Variants in LARP1B observed in about 807,000 individuals in gnomAD.
LARP1B encodes la-related protein 1B.
In LARP1B, 76 loss-of-function variants were observed where a neutral mutation model predicts 114.2. That is an observed-to-expected ratio of 0.67 (90% CI 0.55 to 0.81). The LOEUF is 0.81. Ranked by LOEUF, LARP1B falls within the 30% of genes least tolerant of loss-of-function variation. LARP1B has a pLI of 0.00. For missense variants in LARP1B, 1,014 were observed against 1,075.8 expected (o/e 0.94, Z 0.80); for synonymous variants, 345 against 348.0 (o/e 0.99, Z 0.10).
rs533465355 is a variant in LARP1B at position 128,081,028 on chromosome 4, T to A, written c.218-1137T>A. ...ATTTTAAATTAAACAGATTTTTTTT[T>A]AAAAAAGCCTAAGAATCAAGTACTA... is the stretch of plus-strand genomic sequence containing the variant. On this transcript the variant is annotated intron_variant, in intron 4 of 19. Coordinates refer to ENST00000326639, the MANE Select transcript of LARP1B (RefSeq NM_018078.4). Among the ~76,000 whole-genome samples, 248 of 151,804 alleles carry A rather than the reference T, an allele frequency of 1.6e-3. 2 individuals carry two copies. Among genetic ancestry groups the A allele is most frequent in the African/African-American group, 5.3e-3 (218 of 41,412 alleles).
At chr4:128,150,257 A>T (rs1215012188) in intron 11 of LARP1B, among the ~76,000 whole-genome samples, 1 of 151,976 alleles carries the variant, frequency 6.6e-6, no homozygotes, top group Non-Finnish European at 1.5e-5. Context: ...CCATAAAGGG[A>T]CACATTCTAT....
chr4:128,149,461 A>T (rs1315141481), intron 11 of LARP1B, among the ~76,000 whole-genome samples: 3 of 152,236 alleles, frequency 2.0e-5, no homozygotes, highest in African/African-American at 7.2e-5. Context: ...GGGTGAAATG[A>T]AGAGCTGAAC....
chr4:128,093,095 C>CT lies in LARP1B; in HGVS notation c.668+1590dup. The CT allele has an allele frequency of 1.4e-5, 13 of 956,018 alleles. 1 individual carries two copies. The highest frequency in any genetic ancestry group is 1.6e-5 in the Non-Finnish European group (13 of 803,138). 59.2% of individuals were successfully genotyped at this position (956,018 alleles called of 1,614,324 possible). A position where few individuals can be genotyped will look rare whatever the true frequency, so the allele number is the denominator to read the frequency against. On this transcript the variant is annotated intron_variant, in intron 7 of 19. Coordinates refer to ENST00000326639, the MANE Select transcript of LARP1B (RefSeq NM_018078.4). ...GTCAGACATGGCATTGGTCATGCCTCTTTTTTTGTTGTTGTTCTAGCAGTA... is the reference window on the plus strand; with the variant it reads ...GTCAGACATGGCATTGGTCATGCCTCTTTTTTTTGTTGTTGTTCTAGCAGTA...
chr4:128,192,137 G>C (rs569849016), intron 15 of LARP1B, among the ~76,000 whole-genome samples: 1 of 152,118 alleles, frequency 6.6e-6, no homozygotes, highest in Non-Finnish European at 1.5e-5. Flanking sequence ...TGACATCATT[G>C]TCTCAATAAA....
rs1758778378 is a variant in LARP1B, at chr4:128,210,444, T to C, written c.*391T>C. The C allele has an allele frequency of 2.0e-6, 2 of 1,018,886 alleles. No individual in the cohort carries two copies. Among genetic ancestry groups the C allele is most frequent in the East Asian group, 8.5e-5 (1 of 11,706 alleles). 63.1% of individuals were successfully genotyped at this position (1,018,886 alleles called of 1,614,324 possible). A position where few individuals can be genotyped will look rare whatever the true frequency, so the allele number is the denominator to read the frequency against. On this transcript the variant is annotated 3_prime_UTR_variant, in exon 20 of 20. Coordinates refer to ENST00000326639, the MANE Select transcript of LARP1B (RefSeq NM_018078.4). ...CAGCTCATACTTCTTAAAGAAGATATAGTATGTTGTATTCTCTTCTTAGAG... is the reference window on the plus strand; with the variant it reads ...CAGCTCATACTTCTTAAAGAAGATACAGTATGTTGTATTCTCTTCTTAGAG...
chr4:128,062,592 CT>C lies in LARP1B; in HGVS notation c.-78+1209del, dbSNP rs10659836. ...CTTCGTATGGGAAAGTTTTGGTAGA[CT>C]TTTTTTTTTTTTTTTTTACATAAAA... On this transcript the variant is annotated intron_variant, in intron 1 of 19. Coordinates refer to ENST00000326639, the MANE Select transcript of LARP1B (RefSeq NM_018078.4). 5.7e-3 allele frequency among the ~76,000 whole-genome samples: 726 copies of C among 128,220 alleles called. 4 individuals carry two copies. Among genetic ancestry groups the C allele is most frequent in the African/African-American group, 0.013 (454 of 34,548 alleles). The allele number at this position is 128,220 out of a possible 152,430, so 84.1% of individuals were successfully genotyped here. A position where few individuals can be genotyped will look rare whatever the true frequency, so the allele number is the denominator to read the frequency against.
chr4:128,116,878 C>CCGA (rs1451694082), intron 10 of LARP1B, among the ~76,000 whole-genome samples: 1 of 150,784 alleles, frequency 6.6e-6, no homozygotes, highest in Non-Finnish European at 1.5e-5. Context: ...GAAAGTCAGT[C>CCGA]CATTCACATT....
At chr4:128,083,648 G>T (rs1244189608) in intron 5 of LARP1B, among the ~76,000 whole-genome samples, 1 of 131,586 alleles carries the variant, frequency 7.6e-6, no homozygotes. Context: ...CCTCCCGGAC[G>T]GGGCGGCTGG....
chr4:128,150,251 A>G lies in LARP1B; in HGVS notation c.1525-11943A>G, dbSNP rs772710757. Among the ~76,000 whole-genome samples the G allele has an allele frequency of 3.3e-5, 5 of 152,176 alleles. No homozygotes were observed. In the South Asian group the frequency reaches 1.0e-3, roughly 32 times the overall value. Reference sequence around the variant, plus strand: ...AATGGTGTCTGAGATTATGACCCATAAAGGGACACATTCTATCTCAACTAT... The same window carrying G: ...AATGGTGTCTGAGATTATGACCCATGAAGGGACACATTCTATCTCAACTAT... On this transcript the variant is annotated intron_variant, in intron 11 of 19. Coordinates refer to ENST00000326639, the MANE Select transcript of LARP1B (RefSeq NM_018078.4).
At chr4:128,206,965 T>TGCAA (rs1052121352) in intron 18 of LARP1B, 4 of 406,498 alleles carry the variant, frequency 9.8e-6, no homozygotes, top group African/African-American at 8.7e-5. Context: ...TGCCTACCCT[T>TGCAA]GCTAGCCTCA....
intron 12 of LARP1B, among the ~76,000 whole-genome samples, chr4:128,168,779 T>TC (rs918021803): frequency 6.6e-6 from 1 of 152,056 alleles, no homozygotes; most frequent in African/African-American, 2.4e-5. Flanking sequence ...TTTTTTTTTT[T>TC]CATTGTCTTG....
intron 11 of LARP1B, among the ~76,000 whole-genome samples, chr4:128,139,873 C>T (rs1382902314): frequency 1.1e-5 from 1 of 93,804 alleles, no homozygotes; most frequent in Non-Finnish European, 2.6e-5. Context: ...GGAGCAAGAA[C>T]CTCAATCTGT....
Position 128,210,793 on chromosome 4 carries a change from G to C in LARP1B, c.*740G>C, listed in dbSNP as rs1021632172. ...TTGGCTATAAGCTGATTACATATTA[G>C]AGGTTTATTTTTATGATTCTATATA... On this transcript the variant is annotated 3_prime_UTR_variant, in exon 20 of 20. Transcript: ENST00000326639. 3.4e-5 allele frequency: 33 copies of C among 983,116 alleles called. No homozygotes were observed. Among genetic ancestry groups the C allele is most frequent in the Non-Finnish European group, 4.0e-5 (33 of 827,870 alleles). 60.9% of individuals were successfully genotyped at this position (983,116 alleles called of 1,614,324 possible).
intron 7 of LARP1B, among the ~76,000 whole-genome samples, chr4:128,092,023 G>A (rs1776098966): frequency 6.6e-6 from 1 of 152,092 alleles, no homozygotes; most frequent in East Asian, 1.9e-4. Context: ...GGTTTATGTT[G>A]TTTATATAAG....
chr4:128,152,120 G>A (rs1733065243), intron 11 of LARP1B, among the ~76,000 whole-genome samples: 2 of 151,786 alleles, frequency 1.3e-5, no homozygotes, highest in Admixed American at 1.3e-4. Flanking sequence ...TTTTAAAACT[G>A]TGTTCCCCAA....
intron 7 of LARP1B, among the ~76,000 whole-genome samples, 196 bp downstream of exon 7, chr4:128,091,708 C>T (rs574974068): frequency 1.6e-4 from 25 of 151,802 alleles, no homozygotes; most frequent in Admixed American, 1.2e-3. Flanking sequence ...GTGATTGTTC[C>T]GCCTCAGCCT....
intron 1 of LARP1B, among the ~76,000 whole-genome samples, chr4:128,064,915 T>C (rs924483244): frequency 2.0e-5 from 3 of 151,918 alleles, no homozygotes; most frequent in Non-Finnish European, 2.9e-5. Context: ...TTTAAAATAA[T>C]AATATTAATA....
chr4:128,094,630 T>C (rs1233886846), intron 7 of LARP1B, among the ~76,000 whole-genome samples: 1 of 152,020 alleles, frequency 6.6e-6, no homozygotes, highest in Non-Finnish European at 1.5e-5. Flanking sequence ...TGGTCTCGAA[T>C]GCCTGAGCTC....
At chr4:128,222,764 A>G (rs879300802), downstream of LARP1B, 5 of 160,576 alleles carry the variant, frequency 3.1e-5, no homozygotes, top group Non-Finnish European at 6.8e-5. Context: ...ATAGCAAATT[A>G]CATTGGTGTC....
Sources: gnomAD v4.1 joint callset for allele counts (sites outside exome capture counted in the v4.1 genomes callset) on GRCh38, gnomAD v4.1.1 for gene constraint, MANE v1.5 for transcripts, NCBI Gene and HGNC (gene_info 2026-07-23, HGNC 2026-07-21) for gene names.